FRMD6: variants seen among roughly 807,000 people sequenced by gnomAD.
The protein encoded by FRMD6 is FERM domain containing 6.
Under a neutral mutation model 73.2 loss-of-function variants are expected in FRMD6, and 37 were observed. The observed-to-expected ratio is 0.51, with a 90% CI of 0.39 to 0.66. The LOEUF is 0.66. FRMD6 is among the 30% of genes least tolerant of loss of function. The probability of loss-of-function intolerance (pLI) is 0.00; values close to 1 mark genes in which losing one functional copy is unlikely to be tolerated. For synonymous variants in FRMD6, 273 were observed against 282.2 expected, an observed-to-expected ratio of 0.97 and a Z score of 0.33; for missense variants, 714 against 780.5, an observed-to-expected ratio of 0.91 and a Z score of 1.02.
chr14:51,598,265 C>G (rs1274237557), intron 2 of FRMD6, among the ~76,000 whole-genome samples: 5 of 152,114 alleles, frequency 3.3e-5, no homozygotes, highest in Admixed American at 3.3e-4. Flanking sequence ...AAAGTGGTCC[C>G]AAGAGCCAAA....
chr14:51,558,784 G>GT (rs1029735943), intron 1 of FRMD6, among the ~76,000 whole-genome samples: 1 of 152,104 alleles, frequency 6.6e-6, no homozygotes, highest in African/African-American at 2.4e-5. Context: ...CTCTAAAGGA[G>GT]TTTTTTTGTC....
intron 1 of FRMD6, among the ~76,000 whole-genome samples, chr14:51,684,315 T>C (rs1019540920): frequency 6.6e-6 from 1 of 152,090 alleles, no homozygotes; most frequent in Admixed American, 6.6e-5. Flanking sequence ...ATGTGAGAAG[T>C]TTGGCTGTAT....
rs1182921482 is a variant in FRMD6 at position 51,660,734 on chromosome 14, A to C, written c.-147+8738A>C. On this transcript the variant is annotated intron_variant, in intron 1 of 13. Coordinates refer to ENST00000344768, the MANE Select transcript of FRMD6 (RefSeq NM_001267046.2). Reference sequence around the variant, plus strand: ...AATAAGCCTGATGGGAAAAAGAAAAAGTAGAGCAGGCTAAGGGACAGTAGG... The same window carrying C: ...AATAAGCCTGATGGGAAAAAGAAAACGTAGAGCAGGCTAAGGGACAGTAGG... Among the ~76,000 whole-genome samples the C allele has an allele frequency of 2.0e-5, 3 of 152,092 alleles. No individual in the cohort carries two copies. The East Asian group carries it at 5.8e-4, about 29-fold the overall frequency.
At chr14:51,429,430 T>TG in the FRMD6 span, among the ~76,000 whole-genome samples, 1,401 of 151,904 alleles carry the variant, frequency 9.2e-3, 24 homozygotes, top group South Asian at 0.03. Flanking sequence ...GAAGATTTTT[T>TG]TTTGTTTGTT....
intron 2 of FRMD6, among the ~76,000 whole-genome samples, chr14:51,595,383 G>T (rs1457113456): frequency 6.6e-5 from 10 of 152,180 alleles, no homozygotes; most frequent in African/African-American, 2.4e-4. Context: ...TTCCTTAACA[G>T]AGTCTGGGAA....
At chr14:51,706,356 C>T (rs1471571441) in intron 6 of FRMD6, among the ~76,000 whole-genome samples, 1 of 152,132 alleles carries the variant, frequency 6.6e-6, no homozygotes, top group African/African-American at 2.4e-5. Context: ...CTTTACTCCA[C>T]AGCTTGCAGA....
At chr14:51,444,043 T>C in the FRMD6 span, among the ~76,000 whole-genome samples, 132,671 of 151,782 alleles carry the variant, frequency 0.87, 58,207 homozygotes, top group African/African-American at 0.91. Flanking sequence ...ATTCTTCCGC[T>C]TCAGCCTCCC....
rs186111719 is a variant in FRMD6, at chr14:51,609,808, A to C, written c.-147+39398A>C. Among the ~76,000 whole-genome samples the C allele has an allele frequency of 9.8e-5, 15 of 152,290 alleles. No individual in the cohort carries two copies. In the East Asian group the frequency reaches 2.9e-3, roughly 29 times the overall value. ...TTAGGGTTTTGTGTTTGTGGTTCTT[A>C]AACACTTAACATATACCCTTTTGAA... On this transcript the variant is annotated intron_variant, in intron 2 of 14. Coordinates refer to the FRMD6 transcript ENST00000356218.
chr14:51,642,392 T>C (rs1321276106), intron 2 of FRMD6, among the ~76,000 whole-genome samples: 2 of 152,018 alleles, frequency 1.3e-5, no homozygotes, highest in African/African-American at 4.8e-5. Context: ...ATAGAAAAAT[T>C]AGTCAGGTGT....
At chr14:51,692,472 A>ATGTG (rs10637550) in intron 2 of FRMD6, among the ~76,000 whole-genome samples, 30,500 of 150,494 alleles carry the variant, frequency 0.2, 3,277 homozygotes, top group East Asian at 0.32. Context: ...ACGTGGTGCA[A>ATGTG]TGTGTGTGTG....
At chr14:51,474,577 C>T in the FRMD6 span, among the ~76,000 whole-genome samples, 1 of 152,144 alleles carries the variant, frequency 6.6e-6, no homozygotes, top group Non-Finnish European at 1.5e-5. Context: ...AGGGAGAATT[C>T]TCCCAGGTAG....
intron 1 of FRMD6, among the ~76,000 whole-genome samples, chr14:51,568,577 A>T (rs563021680): frequency 1.3e-5 from 2 of 152,372 alleles, no homozygotes; most frequent in Admixed American, 1.3e-4. Context: ...TAGGCCAAAA[A>T]TCCAGAACAG....
At chr14:51,619,455 G>A (rs1303572915) in intron 2 of FRMD6, among the ~76,000 whole-genome samples, 6 of 151,830 alleles carry the variant, frequency 4.0e-5, no homozygotes, top group Admixed American at 6.6e-5. Flanking sequence ...AGGTCAGCAC[G>A]TAAACAAATA....
the FRMD6 span, among the ~76,000 whole-genome samples, chr14:51,419,543 C>G: frequency 6.6e-6 from 1 of 152,130 alleles, no homozygotes; most frequent in Non-Finnish European, 1.5e-5. Flanking sequence ...GTAGCTTTTC[C>G]TCTTGTAACA....
At chr14:51,661,147 G>A (rs187672648) in intron 1 of FRMD6, among the ~76,000 whole-genome samples, 1 of 152,288 alleles carries the variant, frequency 6.6e-6, no homozygotes, top group East Asian at 1.9e-4. Flanking sequence ...GTAGGAATCT[G>A]GAATTTAGGG....
intron 2 of FRMD6, among the ~76,000 whole-genome samples, chr14:51,644,353 TCACACACACA>T (rs375341468): frequency 9.8e-5 from 14 of 142,166 alleles, no homozygotes; most frequent in Admixed American, 2.1e-4. Context: ...GCCTCACCCT[TCACACACACA>T]CACACACACA....
At chr14:51,481,223 A>G in the FRMD6 span, among the ~76,000 whole-genome samples, 1 of 152,204 alleles carries the variant, frequency 6.6e-6, no homozygotes, top group Non-Finnish European at 1.5e-5. Flanking sequence ...CCGCTGATAA[A>G]GATATACCCG....
intron 2 of FRMD6, among the ~76,000 whole-genome samples, chr14:51,691,564 TTTTA>T (rs1251527967): frequency 6.6e-6 from 1 of 150,860 alleles, no homozygotes; most frequent in Admixed American, 6.6e-5. Flanking sequence ...GTTACTATAT[TTTTA>T]TTTATTTATT....
At chr14:51,689,302 A>T (rs990819957) in intron 1 of FRMD6, among the ~76,000 whole-genome samples, 1 of 152,212 alleles carries the variant, frequency 6.6e-6, no homozygotes, top group African/African-American at 2.4e-5. Flanking sequence ...TGAGTTTGAT[A>T]GTTATGAAAA....
Sources: gnomAD v4.1 joint callset for allele counts (sites outside exome capture counted in the v4.1 genomes callset) on GRCh38, gnomAD v4.1.1 for gene constraint, MANE v1.5 for transcripts, NCBI Gene and HGNC (gene_info 2026-07-23, HGNC 2026-07-21) for gene names.